The following SPECC1 variants were observed in gnomAD, a reference collection of about 807,000 sequenced individuals.
SPECC1 encodes the protein sperm antigen with calponin homology and coiled-coil domains 1.
A neutral mutation model predicts 104.1 loss-of-function variants in SPECC1; 62 were observed. The observed-to-expected ratio is 0.60, with a 90% CI of 0.49 to 0.74. The LOEUF (loss-of-function observed/expected upper bound fraction) is 0.74. Ranked by LOEUF, SPECC1 falls within the 30% of genes least tolerant of loss-of-function variation. SPECC1 has a pLI of 0.00. For synonymous variants in SPECC1, 513 were observed against 501.6 expected, an observed-to-expected ratio of 1.02 and a Z score of -0.30; for missense variants, 1,306 against 1,310.5, an observed-to-expected ratio of 1.00 and a Z score of 0.05.
chr17:20,251,048 G>A (rs1018707614), intron 9 of SPECC1, among the ~76,000 whole-genome samples: 3 of 151,758 alleles, frequency 2.0e-5, no homozygotes, highest in East Asian at 3.9e-4. Flanking sequence ...TCACCATGGC[G>A]AAACCCCATC....
chr17:20,216,579 G>T (rs1181216139), intron 4 of SPECC1, among the ~76,000 whole-genome samples: 3 of 152,096 alleles, frequency 2.0e-5, no homozygotes, highest in Non-Finnish European at 4.4e-5. Flanking sequence ...TCTGACTTCA[G>T]AGCTGCCTGC....
chr17:20,101,586 T>C (rs2047946738), intron 2 of SPECC1, among the ~76,000 whole-genome samples: 1 of 152,134 alleles, frequency 6.6e-6, no homozygotes. Context: ...CTCCTGTAAA[T>C]CCTCCTTGTG....
intron 1 of SPECC1, among the ~76,000 whole-genome samples, chr17:20,017,798 T>G (rs2044206894): frequency 6.6e-6 from 1 of 152,202 alleles, no homozygotes; most frequent in Admixed American, 6.5e-5. Context: ...TGCTTGCTCT[T>G]TATAATGTCC....
intron 7 of SPECC1, among the ~76,000 whole-genome samples, chr17:20,233,746 A>T (rs925642012): frequency 3.8e-4 from 58 of 152,176 alleles, no homozygotes; most frequent in African/African-American, 1.3e-3. Context: ...AGAATAGGAA[A>T]ACTAGGTTTC....
chr17:20,150,036 G>A (rs565885904), intron 3 of SPECC1, among the ~76,000 whole-genome samples: 5 of 151,854 alleles, frequency 3.3e-5, no homozygotes, highest in South Asian at 2.1e-4. Context: ...GCAGAGGTGC[G>A]ATCTCGGCTC....
At chr17:20,313,697 T>C (rs929143988) in intron 14 of SPECC1, among the ~76,000 whole-genome samples, 2 of 152,276 alleles carry the variant, frequency 1.3e-5, no homozygotes, top group East Asian at 1.9e-4. Context: ...GATTTTTGCT[T>C]TTTAAAACTT....
intron 3 of SPECC1, among the ~76,000 whole-genome samples, chr17:20,177,666 AT>A (rs1426732036): frequency 4.6e-5 from 7 of 152,162 alleles, no homozygotes; most frequent in Non-Finnish European, 1.0e-4. Flanking sequence ...ACCATAATTT[AT>A]TTAATCCTTC....
intron 12 of SPECC1, among the ~76,000 whole-genome samples, chr17:20,283,262 A>G (rs1598138039): frequency 6.6e-6 from 1 of 152,246 alleles, no homozygotes; most frequent in South Asian, 2.1e-4. Context: ...AAGGAATCCC[A>G]GAGTTATTCC....
intron 12 of SPECC1, among the ~76,000 whole-genome samples, chr17:20,294,302 T>C (rs1598156210): frequency 1.3e-5 from 2 of 152,192 alleles, no homozygotes; most frequent in African/African-American, 4.8e-5. Flanking sequence ...TTTAGTTTCC[T>C]TATCACTGTG....
rs147502261 is a variant in SPECC1, at chr17:20,081,508, A to G, written c.-21-15123A>G. Among the ~76,000 whole-genome samples the G allele has an allele frequency of 9.2e-5, 14 of 152,194 alleles. No individual in the cohort carries two copies. The East Asian group carries it at 2.3e-3, about 25-fold the overall frequency. ...GGGAGGAAGCCTGCGTTTTATTCCA[A>G]GGGACACAGGGACCGACTGGAGGGC... On this transcript the variant is annotated intron_variant, in intron 1 of 14. Coordinates refer to ENST00000395527, the MANE Select transcript of SPECC1 (RefSeq NM_001243439.2).
At chr17:20,306,116 T>C in intron 14 of SPECC1, 34 bp downstream of exon 14, 2 of 1,582,852 alleles carry the variant, frequency 1.3e-6, no homozygotes, top group African/African-American at 1.3e-5. Flanking sequence ...TGTGATACTT[T>C]AATTGTATGA....
In SPECC1 at chr17:20,204,315, T is replaced by C; in HGVS notation, c.284-18T>C. 6.3e-7 allele frequency: 1 copy of C among 1,579,662 alleles called. No individual in the cohort carries two copies. Among genetic ancestry groups the C allele is most frequent in the Non-Finnish European group, 8.6e-7 (1 of 1,167,406 alleles). ...TGCTTGCTTTATTTTTTCATTTTTTTCTTCTTCTGTCTTTAAGGGGCCTTT... is the reference window on the plus strand; with the variant it reads ...TGCTTGCTTTATTTTTTCATTTTTTCCTTCTTCTGTCTTTAAGGGGCCTTT... On this transcript the variant is annotated intron_variant, in intron 3 of 14. Coordinates refer to ENST00000395527, the MANE Select transcript of SPECC1 (RefSeq NM_001243439.2).
intron 3 of SPECC1, among the ~76,000 whole-genome samples, chr17:20,204,131 G>A (rs2036609332): frequency 6.6e-6 from 1 of 152,126 alleles, no homozygotes; most frequent in South Asian, 2.1e-4. Context: ...CTCAGGCTTG[G>A]AGTCAGCCTC....
intron 3 of SPECC1, among the ~76,000 whole-genome samples, chr17:20,148,373 G>A (rs1325599225): frequency 2.0e-5 from 3 of 151,966 alleles, no homozygotes; most frequent in Non-Finnish European, 2.9e-5. Flanking sequence ...CCGAGTAACT[G>A]GGACTACAGG....
At chr17:20,292,317 A>G (rs545428581) in intron 12 of SPECC1, among the ~76,000 whole-genome samples, 16 of 150,926 alleles carry the variant, frequency 1.1e-4, no homozygotes, top group African/African-American at 3.4e-4. Flanking sequence ...CTGCCCCACC[A>G]CCGCCTGTTT....
At chr17:20,085,534 A>G (rs917325578) in intron 1 of SPECC1, among the ~76,000 whole-genome samples, 3 of 152,232 alleles carry the variant, frequency 2.0e-5, no homozygotes, top group Non-Finnish European at 4.4e-5. Flanking sequence ...GTTCCTGTGT[A>G]TATTTAAAAC....
At position 20,174,311 on chromosome 17, in the gene SPECC1, TAAATA is replaced by T. The variant is rs1342656935; in HGVS notation, c.284-30014_284-30010del. Among the ~76,000 whole-genome samples the T allele has an allele frequency of 6.6e-5, 10 of 152,338 alleles. No homozygotes were observed. The South Asian group carries it at 1.9e-3, about 28-fold the overall frequency. On this transcript the variant is annotated intron_variant, in intron 3 of 14. Transcript: ENST00000395527. ...TTTAAATTACAATAAAGGTGATTTTTAAATAAAATAAATTTTAAAAATTAAATTGA... is the reference window on the plus strand; with the variant it reads ...TTTAAATTACAATAAAGGTGATTTTTAAATAAATTTTAAAAATTAAATTGA...
In SPECC1 at chr17:20,204,345, C is replaced by A; in HGVS notation, c.296C>A (p.Thr99Lys). The A allele has an allele frequency of 1.2e-6, 2 of 1,610,538 alleles. No individual in the cohort carries two copies. Among genetic ancestry groups the A allele is most frequent in the Admixed American group, 1.7e-5 (1 of 59,086 alleles). Residue 99 changes from threonine to lysine, a missense_variant, in exon 4 of 15, where the codon ACA (threonine) becomes AAA (lysine). Thr to Lys is a moderately conservative substitution (Grantham distance 78). Coordinates refer to ENST00000395527, the MANE Select transcript of SPECC1 (RefSeq NM_001243439.2). ...RLRSGTGAFTTTKRTGIPAPR... is the reference protein window; with the variant it reads ...RLRSGTGAFTKTKRTGIPAPR... ...TTCTGTCTTTAAGGGGCCTTTACAACAACTAAACGGACAGGCATTCCAGCC... is the reference window on the plus strand; with the variant it reads ...TTCTGTCTTTAAGGGGCCTTTACAAAAACTAAACGGACAGGCATTCCAGCC...
chr17:20,233,362 G>A (rs1008748034), intron 7 of SPECC1, among the ~76,000 whole-genome samples: 6 of 152,076 alleles, frequency 3.9e-5, no homozygotes, highest in Non-Finnish European at 7.4e-5. Context: ...CATGACATTG[G>A]AAAGAGGAGA....
Sources: gnomAD v4.1 joint callset for allele counts (sites outside exome capture counted in the v4.1 genomes callset) on GRCh38, gnomAD v4.1.1 for gene constraint, MANE v1.5 for transcripts, NCBI Gene and HGNC (gene_info 2026-07-23, HGNC 2026-07-21) for gene names.